Variants in DOCK1 observed in about 807,000 individuals in gnomAD.
The protein encoded by DOCK1 is dedicator of cytokinesis protein 1.
Under a neutral mutation model 262.7 loss-of-function variants are expected in DOCK1, and 138 were observed. The observed-to-expected ratio is 0.53, with a 90% confidence interval of 0.46 to 0.61. The LOEUF is 0.61. Ranked by LOEUF, DOCK1 falls within the 20% of genes least tolerant of loss-of-function variation. The probability of loss-of-function intolerance (pLI) is 0.00; values close to 1 mark genes in which losing one functional copy is unlikely to be tolerated. For synonymous variants in DOCK1, 866 were observed against 867.4 expected, an observed-to-expected ratio of 1.00 and a Z score of 0.03; for missense variants, 1,908 against 2,370.7, an observed-to-expected ratio of 0.80 and a Z score of 4.05.
At chr10:127,413,917 A>T (rs55862468) in intron 43 of DOCK1, among the ~76,000 whole-genome samples, 14,183 of 149,064 alleles carry the variant, frequency 0.095, 770 homozygotes, top group South Asian at 0.16. Context: ...TTTTCTGAAA[A>T]TTTTTTTTTT....
intron 16 of DOCK1, among the ~76,000 whole-genome samples, chr10:127,031,136 T>C (rs912367400): frequency 6.6e-6 from 1 of 152,216 alleles, no homozygotes; most frequent in Admixed American, 6.5e-5. Flanking sequence ...ATTTTAGTTT[T>C]CTGTATTGAC....
intron 3 of DOCK1, among the ~76,000 whole-genome samples, chr10:126,980,215 C>G (rs78431776): frequency 6.6e-6 from 1 of 152,122 alleles, no homozygotes; most frequent in East Asian, 1.9e-4. Context: ...TTTTTGGAGA[C>G]AGGGTCTCAC....
At chr10:127,090,396 G>A (rs1834126523) in intron 23 of DOCK1, among the ~76,000 whole-genome samples, 1 of 152,080 alleles carries the variant, frequency 6.6e-6, no homozygotes, top group African/African-American at 2.4e-5. Flanking sequence ...ACGGTGACTT[G>A]CTATCAGTAT....
intron 38 of DOCK1, among the ~76,000 whole-genome samples, chr10:127,391,560 G>A (rs1185727671): frequency 1.3e-5 from 2 of 152,158 alleles, no homozygotes; most frequent in African/African-American, 4.8e-5. Flanking sequence ...CCCGGGCTTA[G>A]CAAGGATAAG....
At chr10:127,115,244 A>C (rs2049112045) in intron 25 of DOCK1, among the ~76,000 whole-genome samples, 1 of 152,078 alleles carries the variant, frequency 6.6e-6, no homozygotes, top group South Asian at 2.1e-4. Context: ...GGATGTTCCC[A>C]CCCCTGGCCC....
At position 127,100,323 on chromosome 10, in the gene DOCK1, C is replaced by G. The variant is rs534680786; in HGVS notation, c.2446-5908C>G. Among the ~76,000 whole-genome samples the G allele has an allele frequency of 6.6e-6, 1 of 152,076 alleles. No homozygotes were observed. Among genetic ancestry groups the G allele is most frequent in the African/African-American group, 2.4e-5 (1 of 41,398 alleles). On this transcript the variant is annotated intron_variant, in intron 23 of 51. Coordinates refer to ENST00000623213, the MANE Select transcript of DOCK1 (RefSeq NM_001290223.2). This position sits in a 1 kb window ranked among gnomAD's most constrained non-coding sequence, Gnocchi z 5.5. ...TAACAGCCTGAACCGAGGGCTCTGT[C>G]GCTGCCTAGAAGGGGGCTGTGAGGA...
intron 25 of DOCK1, among the ~76,000 whole-genome samples, chr10:127,111,707 A>T (rs146207761): frequency 1.3e-5 from 2 of 152,288 alleles, no homozygotes; most frequent in African/African-American, 4.8e-5. Context: ...GGGTCTTATT[A>T]GGTGGGTTAC....
chr10:127,101,041 G>A (rs1199361828), intron 23 of DOCK1, among the ~76,000 whole-genome samples: 5 of 152,126 alleles, frequency 3.3e-5, no homozygotes, highest in Non-Finnish European at 5.9e-5. Flanking sequence ...CAAAGGGCAG[G>A]AGGGCCTTGA....
At chr10:127,218,440 T>C (rs1242655550) in intron 27 of DOCK1, among the ~76,000 whole-genome samples, 3 of 152,202 alleles carry the variant, frequency 2.0e-5, no homozygotes, top group African/African-American at 4.8e-5. Flanking sequence ...TTGCATTACT[T>C]CTTGGCCAAA....
intron 30 of DOCK1, 138 bp downstream of exon 30, chr10:127,339,222 G>A (rs1344390364): frequency 5.5e-6 from 4 of 732,662 alleles, no homozygotes; most frequent in Non-Finnish European, 6.9e-6. Context: ...GGAATTTGTA[G>A]TATGTACTAT....
intron 1 of DOCK1, among the ~76,000 whole-genome samples, chr10:126,950,336 G>A (rs2036099763): frequency 6.6e-6 from 1 of 152,034 alleles, no homozygotes; most frequent in Non-Finnish European, 1.5e-5. Context: ...TGGTTTGTTG[G>A]TCTGGATTGA....
intron 1 of DOCK1, among the ~76,000 whole-genome samples, chr10:126,946,676 C>T (rs966091219): frequency 6.6e-6 from 1 of 152,184 alleles, no homozygotes; most frequent in African/African-American, 2.4e-5. Flanking sequence ...AGTATTTGTC[C>T]TTTTGTGCCT....
At chr10:127,385,682 G>T (rs373137261) in intron 38 of DOCK1, among the ~76,000 whole-genome samples, 11 of 152,242 alleles carry the variant, frequency 7.2e-5, no homozygotes, top group Admixed American at 2.0e-4. Context: ...GCTGGGAGCT[G>T]CAAGCCTGAT....
chr10:127,385,735 G>GA (rs910450222), intron 38 of DOCK1, among the ~76,000 whole-genome samples: 3 of 152,204 alleles, frequency 2.0e-5, no homozygotes, highest in Non-Finnish European at 4.4e-5. Flanking sequence ...GGCTGCAGGG[G>GA]AAAATCTGCC....
intron 27 of DOCK1, among the ~76,000 whole-genome samples, chr10:127,190,758 ATCCCTTCTTTCTATCT>A (rs1297822707): frequency 7.3e-6 from 1 of 136,890 alleles, no homozygotes; most frequent in Non-Finnish European, 1.5e-5. Flanking sequence ...AGCATCTTTA[ATCCCTTCTTTCTATCT>A]TGCCACATTA....
chr10:127,412,329 A>AT (rs963922646), intron 43 of DOCK1, among the ~76,000 whole-genome samples: 71 of 152,114 alleles, frequency 4.7e-4, no homozygotes, highest in African/African-American at 1.7e-3. Flanking sequence ...TATTTTATTT[A>AT]TTTTTTTATA....
chr10:127,179,607 A>G (rs2055527866), intron 27 of DOCK1, among the ~76,000 whole-genome samples: 1 of 152,130 alleles, frequency 6.6e-6, no homozygotes, highest in Admixed American at 6.5e-5. Flanking sequence ...AGGTGGACAC[A>G]TCTTTTCGGG....
At chr10:127,027,436 C>G (rs2135490596) in intron 16 of DOCK1, among the ~76,000 whole-genome samples, 1 of 152,244 alleles carries the variant, frequency 6.6e-6, no homozygotes, top group African/African-American at 2.4e-5. Context: ...TTTACTAAAA[C>G]AGTTATCCTG....
At chr10:127,122,259 C>T (rs1473852040) in intron 25 of DOCK1, among the ~76,000 whole-genome samples, 5 of 152,132 alleles carry the variant, frequency 3.3e-5, no homozygotes, top group East Asian at 1.9e-4. Context: ...AGGTGACGGA[C>T]GGTACTGTAA....
Sources: gnomAD v4.1 joint callset for allele counts (sites outside exome capture counted in the v4.1 genomes callset) on GRCh38, gnomAD v4.1.1 for gene constraint, Gnocchi (gnomAD v3.1) non-coding constraint, MANE v1.5 for transcripts, NCBI Gene and HGNC (gene_info 2026-07-23, HGNC 2026-07-21) for gene names.